Variants in TUNAR observed in about 807,000 individuals in gnomAD.
The protein encoded by TUNAR is transmembrane neural differentiation associated intracellular calcium regulator.
chr14:95,900,209 G>A lies in TUNAR; in HGVS notation c.13-22572G>A, dbSNP rs182283255. ...GGTGCAGAGGCAATTAAGATGTGGC[G>A]TCTGCCCTCAAGGGCCCTGCAACTC... On this transcript the variant is annotated intron_variant, in intron 2 of 2. Transcript: ENST00000678517. Among the ~76,000 whole-genome samples the A allele has an allele frequency of 1.5e-3, 230 of 152,324 alleles. 1 individual carries two copies. Among genetic ancestry groups the A allele is most frequent in the African/African-American group, 4.8e-3 (201 of 41,564 alleles).
At chr14:95,909,063 G>A (rs866402967) in intron 2 of TUNAR, among the ~76,000 whole-genome samples, 121 of 152,264 alleles carry the variant, frequency 7.9e-4, no homozygotes, top group Admixed American at 5.8e-3. Flanking sequence ...GGGAAGTCTG[G>A]ACTAACAGAA....
At chr14:95,920,848 G>T (rs1389192802) in intron 2 of TUNAR, among the ~76,000 whole-genome samples, 1 of 152,146 alleles carries the variant, frequency 6.6e-6, no homozygotes, top group African/African-American at 2.4e-5. Context: ...GAACTGGTAA[G>T]ATATATATAG....
chr14:95,902,758 G>A (rs1265742425), intron 2 of TUNAR, among the ~76,000 whole-genome samples: 1 of 152,164 alleles, frequency 6.6e-6, no homozygotes. Context: ...GGACCTTGGG[G>A]ACAAAGACTA....
intron 2 of TUNAR, among the ~76,000 whole-genome samples, chr14:95,891,602 C>T (rs555615995): frequency 5.3e-5 from 8 of 152,230 alleles, no homozygotes; most frequent in Non-Finnish European, 4.4e-5. Flanking sequence ...GTCTCTGCTG[C>T]CAAGTTCATC....
chr14:95,878,475 T>G (rs995493990), intron 2 of TUNAR, among the ~76,000 whole-genome samples: 5 of 152,188 alleles, frequency 3.3e-5, no homozygotes, highest in African/African-American at 1.2e-4. Flanking sequence ...CCCTTAGCAG[T>G]AGGGGCCTCT....
At chr14:95,921,243 T>C (rs1385531578) in intron 2 of TUNAR, among the ~76,000 whole-genome samples, 1 of 152,238 alleles carries the variant, frequency 6.6e-6, no homozygotes, top group Non-Finnish European at 1.5e-5. Context: ...CATGACCAGC[T>C]ATCTGGGCGT....
chr14:95,913,758 G>T (rs1889557149), intron 2 of TUNAR, among the ~76,000 whole-genome samples: 1 of 151,810 alleles, frequency 6.6e-6, no homozygotes, highest in South Asian at 2.1e-4. Context: ...TTTTGAGACA[G>T]AGTCTCACTC....
intron 2 of TUNAR, among the ~76,000 whole-genome samples, chr14:95,881,485 G>T (rs1210883697): frequency 1.3e-5 from 2 of 152,168 alleles, no homozygotes; most frequent in Admixed American, 1.3e-4. Flanking sequence ...GCTTTCAAAA[G>T]AACTGTTTCT....
At chr14:95,919,574 G>A (rs1036955110) in intron 2 of TUNAR, among the ~76,000 whole-genome samples, 1 of 151,738 alleles carries the variant, frequency 6.6e-6, no homozygotes, top group Non-Finnish European at 1.5e-5. Context: ...TTAGCTGGGC[G>A]TGGTGGTGCA....
At chr14:95,916,446 C>T (rs556526221) in intron 2 of TUNAR, among the ~76,000 whole-genome samples, 6 of 152,310 alleles carry the variant, frequency 3.9e-5, no homozygotes, top group East Asian at 3.9e-4. Context: ...TGCGATGGCA[C>T]GTTCCAGCAT....
At chr14:95,921,017 C>T (rs1384316711) in intron 2 of TUNAR, among the ~76,000 whole-genome samples, 3 of 152,138 alleles carry the variant, frequency 2.0e-5, no homozygotes, top group African/African-American at 4.8e-5. Flanking sequence ...GAAGAGCTAC[C>T]TGAAAATCAA....
chr14:95,883,084 T>C (rs978246072), intron 2 of TUNAR, among the ~76,000 whole-genome samples: 3 of 151,906 alleles, frequency 2.0e-5, no homozygotes, highest in Admixed American at 1.3e-4. Flanking sequence ...AGTTTTGCAG[T>C]GTTCAAGTCT....
intron 2 of TUNAR, among the ~76,000 whole-genome samples, chr14:95,908,362 C>T (rs892943453): frequency 5.3e-5 from 8 of 152,200 alleles, no homozygotes; most frequent in Admixed American, 6.5e-5. Flanking sequence ...CCTACTCAGC[C>T]GCTCCAGACG....
exon 3 of TUNAR, chr14:95,925,555 T>C (rs1455083525): frequency 6.6e-6 from 1 of 151,944 alleles, no homozygotes; most frequent in East Asian, 1.9e-4. Context: ...ACAATAAAGG[T>C]GCAATGGAAA....
At chr14:95,887,670 C>T (rs1023037777) in intron 2 of TUNAR, among the ~76,000 whole-genome samples, 5 of 152,138 alleles carry the variant, frequency 3.3e-5, no homozygotes, top group East Asian at 1.9e-4. Context: ...ATTGCAGTTT[C>T]GGACAGTACT....
At chr14:95,877,387 A>C (rs1049584635) in intron 2 of TUNAR, among the ~76,000 whole-genome samples, 2 of 152,180 alleles carry the variant, frequency 1.3e-5, no homozygotes, top group South Asian at 4.1e-4. Flanking sequence ...TTCTGGAGAA[A>C]GATGTGGGTT....
At chr14:95,921,622 T>C (rs1208097710) in intron 2 of TUNAR, among the ~76,000 whole-genome samples, 1 of 152,262 alleles carries the variant, frequency 6.6e-6, no homozygotes, top group Non-Finnish European at 1.5e-5. Context: ...GCTTAACAGA[T>C]GGCAGATGAC....
intron 2 of TUNAR, among the ~76,000 whole-genome samples, chr14:95,881,190 C>G (rs529525015): frequency 5.4e-4 from 83 of 152,298 alleles, no homozygotes; most frequent in African/African-American, 1.9e-3. Flanking sequence ...GTCAATAAAC[C>G]TCTAAATTCA....
rs569517726 is a variant in TUNAR at position 95,920,138 on chromosome 14, TGTGA to T, written c.13-2640_13-2637del. The stretch of plus-strand genomic sequence containing the variant: ...CGTGAGCAAATCTCACACACAGTGT[TGTGA>T]GTAAGAAATCAGACTCAAAAGAGGA... On this transcript the variant is annotated intron_variant, in intron 2 of 2. Transcript: ENST00000678517. Among the ~76,000 whole-genome samples the T allele has an allele frequency of 4.2e-4, 64 of 152,288 alleles. 1 individual carries two copies. In the South Asian group the frequency reaches 6.4e-3, roughly 15 times the overall value.
Sources: allele counts gnomAD v4.1 joint callset (sites outside exome capture counted in the v4.1 genomes callset), GRCh38; gene constraint gnomAD v4.1.1; transcripts MANE v1.5; gene names NCBI Gene and HGNC (gene_info 2026-07-23, HGNC 2026-07-21).